COL5A2: variants seen among roughly 807,000 people sequenced by gnomAD.
COL5A2 encodes the protein collagen alpha-2(V) chain.
Under a neutral mutation model 208.2 loss-of-function variants are expected in COL5A2, and 23 were observed. The observed-to-expected ratio is 0.11, with a 90% CI of 0.08 to 0.16. COL5A2 has a LOEUF of 0.16. Among genes scored for constraint, COL5A2 ranks in the 10% least tolerant of loss-of-function variants. The pLI, the probability that COL5A2 is intolerant of heterozygous loss-of-function variation, is 1.00. For synonymous variants in COL5A2, 625 were observed against 628.5 expected (o/e 0.99, Z 0.08); for missense variants, 1,590 against 1,956.4 (o/e 0.81, Z 3.53).
intron 1 of COL5A2, among the ~76,000 whole-genome samples, chr2:189,216,628 G>C (rs1576588596): frequency 6.6e-6 from 1 of 152,134 alleles, no homozygotes; most frequent in Non-Finnish European, 1.5e-5. Flanking sequence ...AAGTAATACA[G>C]TCTTAAGGTT....
At chr2:189,336,906 A>T in the COL5A2 span, among the ~76,000 whole-genome samples, 1 of 152,352 alleles carries the variant, frequency 6.6e-6, no homozygotes, top group African/African-American at 2.4e-5. Context: ...CAATAAATCA[A>T]TTCAGAAGTT....
At chr2:189,061,521 A>T in intron 30 of COL5A2, 41 bp downstream of exon 30, 5 of 1,402,220 alleles carry the variant, frequency 3.6e-6, no homozygotes, top group Non-Finnish European at 4.0e-6. Context: ...AAAGCATTTT[A>T]GTTAATGGAA....
At chr2:189,414,422 C>G in the COL5A2 span, among the ~76,000 whole-genome samples, 1 of 152,124 alleles carries the variant, frequency 6.6e-6, no homozygotes, top group Admixed American at 6.5e-5. Flanking sequence ...TCTTGGACAG[C>G]TTTCAAACTG....
At chr2:189,412,232 A>G in the COL5A2 span, among the ~76,000 whole-genome samples, 10,150 of 152,246 alleles carry the variant, frequency 0.067, 393 homozygotes, top group South Asian at 0.088. Context: ...GTCACAAAAC[A>G]TCATCCTAAC....
intron 35 of COL5A2, among the ~76,000 whole-genome samples, chr2:189,055,535 T>A (rs990814222): frequency 6.6e-6 from 1 of 152,242 alleles, no homozygotes; most frequent in African/African-American, 2.4e-5. Flanking sequence ...AAATCTGTGT[T>A]CTTATAGTCT....
At chr2:189,070,770 G>A (rs1309866876) in intron 18 of COL5A2, among the ~76,000 whole-genome samples, 3 of 152,080 alleles carry the variant, frequency 2.0e-5, no homozygotes, top group Non-Finnish European at 2.9e-5. Flanking sequence ...TTTTGATAGG[G>A]GTATATAGAG....
upstream of COL5A2, among the ~76,000 whole-genome samples, chr2:189,226,165 T>C (rs996064024): frequency 3.9e-5 from 6 of 152,134 alleles, no homozygotes; most frequent in Non-Finnish European, 8.8e-5. Context: ...CTAGCTATTT[T>C]CTCTACTACA....
chr2:189,110,455 A>C lies in COL5A2; in HGVS notation c.98-6T>G. 1 of 1,609,776 alleles carries C rather than the reference A, an allele frequency of 6.2e-7. No individual in the cohort carries two copies. The highest frequency in any genetic ancestry group is 8.5e-7 in the Non-Finnish European group (1 of 1,176,098). On this transcript the variant is annotated splice_region_variant and splice_polypyrimidine_tract_variant and intron_variant, in intron 1 of 53. Transcript: ENST00000374866. ...TATTTCTTCACCATATCCTTCTAAA[A>C]TAAGAAAAGAAAGAAGAGGTTAGTA...
At chr2:189,215,979 AC>A (rs1689273701) in intron 1 of COL5A2, among the ~76,000 whole-genome samples, 2 of 152,064 alleles carry the variant, frequency 1.3e-5, no homozygotes, top group South Asian at 4.1e-4. Context: ...CTCCTCACTT[AC>A]CTTGTGTGGC....
intron 51 of COL5A2, 23 bp from the exon 52 acceptor site, chr2:189,036,826 T>A: frequency 6.4e-7 from 1 of 1,552,506 alleles, no homozygotes; most frequent in East Asian, 2.3e-5. Flanking sequence ...ATAGAAATTT[T>A]ACTAAATAAA....
chr2:189,066,550 A>G, intron 22 of COL5A2, 53 bp from the exon 23 acceptor site: 1 of 1,552,864 alleles, frequency 6.4e-7, no homozygotes, highest in Non-Finnish European at 8.9e-7. Flanking sequence ...CCAGTGAATT[A>G]TAGTTGGAAG....
chr2:189,048,405 C>T (rs1483967778), intron 44 of COL5A2, 143 bp from the exon 45 acceptor site: 20 of 667,918 alleles, frequency 3.0e-5, no homozygotes, highest in East Asian at 2.2e-4. Flanking sequence ...AGCAGAAGAA[C>T]GGTTTCTACC....
the COL5A2 span, among the ~76,000 whole-genome samples, chr2:189,262,505 G>A: frequency 6.6e-6 from 1 of 151,972 alleles, no homozygotes; most frequent in Non-Finnish European, 1.5e-5. Flanking sequence ...AACTGATCAC[G>A]AAGAGAAACA....
the COL5A2 span, among the ~76,000 whole-genome samples, chr2:189,281,043 A>T: frequency 6.6e-6 from 1 of 152,018 alleles, no homozygotes; most frequent in Admixed American, 6.6e-5. Context: ...CATAAAAGTG[A>T]ATTTTTAACA....
intron 1 of COL5A2, among the ~76,000 whole-genome samples, chr2:189,146,821 T>C (rs1021570384): frequency 2.6e-5 from 4 of 152,112 alleles, no homozygotes; most frequent in African/African-American, 7.2e-5. Context: ...AAAAGCTGCC[T>C]TCATAGGAAG....
chr2:189,093,648 T>C (rs1462504441), intron 6 of COL5A2, among the ~76,000 whole-genome samples: 1 of 152,204 alleles, frequency 6.6e-6, no homozygotes, highest in East Asian at 1.9e-4. Flanking sequence ...AGAAGTAGAA[T>C]ACTTAGCCTG....
At chr2:189,329,282 T>G in the COL5A2 span, among the ~76,000 whole-genome samples, 1 of 152,090 alleles carries the variant, frequency 6.6e-6, no homozygotes. Flanking sequence ...GTCTAACTCA[T>G]AGAACTCATA....
chr2:189,138,701 C>A (rs1321362974), intron 1 of COL5A2, among the ~76,000 whole-genome samples: 1 of 151,926 alleles, frequency 6.6e-6, no homozygotes, highest in Non-Finnish European at 1.5e-5. Flanking sequence ...CTTATAGTAA[C>A]CGAAAGTAAA....
intron 1 of COL5A2, among the ~76,000 whole-genome samples, chr2:189,132,408 A>G (rs1687733629): frequency 6.6e-6 from 1 of 152,232 alleles, no homozygotes; most frequent in Non-Finnish European, 1.5e-5. Context: ...GGAGCTGCAT[A>G]GACTTATTAG....
Sources: gnomAD v4.1 joint callset for allele counts (sites outside exome capture counted in the v4.1 genomes callset) on GRCh38, gnomAD v4.1.1 for gene constraint, MANE v1.5 for transcripts, NCBI Gene and HGNC (gene_info 2026-07-23, HGNC 2026-07-21) for gene names.